Variants in PCLO observed in about 807,000 individuals in gnomAD.
PCLO encodes the protein protein piccolo.
In PCLO, 82 loss-of-function variants were observed where a neutral mutation model predicts 427.5. That is an observed-to-expected ratio of 0.19 (90% CI 0.16 to 0.23). The LOEUF is 0.23. Ranked by LOEUF, PCLO falls within the 10% of genes least tolerant of loss-of-function variation. The pLI, the probability that PCLO is intolerant of heterozygous loss-of-function variation, is 1.00. For missense variants in PCLO, 6,239 were observed against 6,115.9 expected (o/e 1.02, Z -0.67); for synonymous variants, 2,357 against 2,155.4 (o/e 1.09, Z -2.59).
At position 83,021,717 on chromosome 7, in the gene PCLO, G is replaced by T. The variant is rs866731610; in HGVS notation, c.3301-55230C>A. 3.9e-5 allele frequency among the ~76,000 whole-genome samples: 6 copies of T among 152,142 alleles called. No individual in the cohort carries two copies. In the South Asian group the frequency reaches 1.2e-3, roughly 31 times the overall value. On this transcript the variant is annotated intron_variant, in intron 3 of 24. Transcript: ENST00000333891. ...CAAGGTAAAACAATATTGTGATTAA[G>T]AGTAAAGCGTCTAATTCTGGGGAAG...
intron 6 of PCLO, among the ~76,000 whole-genome samples, chr7:82,930,640 T>C (rs1794819384): frequency 6.6e-6 from 1 of 152,192 alleles, no homozygotes; most frequent in Admixed American, 6.6e-5. Context: ...CTTTGGTAGA[T>C]AATTTCTTAC....
Position 83,162,829 on chromosome 7 carries a change from C to A in PCLO, c.-237G>T, listed in dbSNP as rs947105253. The stretch of plus-strand genomic sequence containing the variant: ...GTTGGACAGCGCCAGGCAACCTTTG[C>A]AGAAGACACCTCCCGGACGCCGCCT... On this transcript the variant is annotated 5_prime_UTR_variant, in exon 1 of 25. Coordinates refer to ENST00000333891, the MANE Select transcript of PCLO (RefSeq NM_033026.6). 8 of 555,610 alleles carry A rather than the reference C, an allele frequency of 1.4e-5. No homozygotes were observed. Among genetic ancestry groups the A allele is most frequent in the Non-Finnish European group, 1.9e-5 (6 of 322,632 alleles). 34.4% of individuals were successfully genotyped at this position (555,610 alleles called of 1,614,324 possible).
chr7:82,771,627 C>T (rs1263510522), intron 22 of PCLO, among the ~76,000 whole-genome samples: 1 of 151,998 alleles, frequency 6.6e-6, no homozygotes, highest in African/African-American at 2.4e-5. Context: ...AAAAAGGAGA[C>T]TAACTAATTG....
At chr7:82,978,857 A>AAACACACAC (rs1562896084) in intron 3 of PCLO, among the ~76,000 whole-genome samples, 3 of 138,684 alleles carry the variant, frequency 2.2e-5, no homozygotes, top group Admixed American at 7.2e-5. Context: ...CACACACACA[A>AAACACACAC]ACACACACAC....
chr7:83,098,887 T>C (rs1790662396), intron 3 of PCLO, among the ~76,000 whole-genome samples: 1 of 151,980 alleles, frequency 6.6e-6, no homozygotes, highest in South Asian at 2.1e-4. Flanking sequence ...TTGGCAACTA[T>C]TTCACACAAG....
chr7:82,885,304 A>G (rs1793602661), intron 9 of PCLO, among the ~76,000 whole-genome samples: 1 of 152,140 alleles, frequency 6.6e-6, no homozygotes, highest in South Asian at 2.1e-4. Context: ...TAGCAAGAGT[A>G]TGGGGAATTC....
In PCLO at chr7:83,155,140, A is replaced by G. The variant is rs6972461; in HGVS notation, c.1501T>C (p.Ser501Pro). ...PQQPGSAKPP[S>P]QQPGSTKPPP... ...GGTTTTGTTGAGCCAGGCTGTTGAG[A>G]TGGGGGCTTTGCTGAGCCAGGCTGT... The change falls in exon 2 of 25, where the codon TCT becomes CCT. Residue 501 changes from serine (S) to proline (P), a missense_variant. Around this residue, in one of 5 missense-constraint regions of PCLO, gnomAD observed 4,677 missense variants for 4,468.4 expected, o/e 1.05. Coordinates refer to ENST00000333891, the MANE Select transcript of PCLO (RefSeq NM_033026.6). 0.28 allele frequency: 386,876 copies of G among 1,365,616 alleles called. 50,981 individuals are homozygous for G. The highest frequency in any genetic ancestry group is 0.34 in the Middle Eastern group (1,512 of 4,408). 84.6% of individuals were successfully genotyped at this position (1,365,616 alleles called of 1,614,324 possible). A position where few individuals can be genotyped will look rare whatever the true frequency, so the allele number is the denominator to read the frequency against.
chr7:82,891,086 G>GA (rs1793753418), intron 9 of PCLO, among the ~76,000 whole-genome samples: 1 of 151,906 alleles, frequency 6.6e-6, no homozygotes, highest in Non-Finnish European at 1.5e-5. Context: ...ATTTGACAGA[G>GA]GGCTTATTGC....
At chr7:82,797,010 A>T (rs73167394) in intron 22 of PCLO, among the ~76,000 whole-genome samples, 83 of 151,786 alleles carry the variant, frequency 5.5e-4, no homozygotes, top group African/African-American at 2.0e-3. Flanking sequence ...GGAGTGAATT[A>T]TTGGATGCTA....
chr7:82,793,053 C>A (rs1791139753), intron 22 of PCLO, among the ~76,000 whole-genome samples: 1 of 151,494 alleles, frequency 6.6e-6, no homozygotes, highest in African/African-American at 2.4e-5. Flanking sequence ...CTATCTCTAA[C>A]TGTTCTCAAC....
At chr7:83,000,780 G>C (rs995730540) in intron 3 of PCLO, among the ~76,000 whole-genome samples, 5 of 151,872 alleles carry the variant, frequency 3.3e-5, no homozygotes, top group Non-Finnish European at 5.9e-5. Context: ...GTATTAACTT[G>C]GATCTACATA....
chr7:82,820,124 C>T (rs1791758810), intron 20 of PCLO, among the ~76,000 whole-genome samples: 1 of 152,072 alleles, frequency 6.6e-6, no homozygotes, highest in African/African-American at 2.4e-5. Flanking sequence ...GCCACTTCTG[C>T]AAAGCAAGAG....
chr7:83,038,025 A>ATATATATATATATATATTTATATT lies in PCLO; in HGVS notation c.3301-71539_3301-71538insAATATAAATATATATATATATATA, dbSNP rs1562932933. Among the ~76,000 whole-genome samples, 7 of 49,098 alleles carry ATATATATATATATATATTTATATT rather than the reference A, an allele frequency of 1.4e-4. 1 individual carries two copies. The highest frequency in any genetic ancestry group is 2.2e-4 in the Non-Finnish European group (7 of 31,442). The allele number at this position is 49,098 out of a possible 152,430, so 32.2% of individuals were successfully genotyped here. A position where few individuals can be genotyped will look rare whatever the true frequency, so the allele number is the denominator to read the frequency against. On this transcript the variant is annotated intron_variant, in intron 3 of 24. Transcript: ENST00000333891. ...TATATATATATATATATATATATAT[A>ATATATATATATATATATTTATATT]TATATTTATATATTTATATATATAT... is the stretch of plus-strand genomic sequence containing the variant.
At chr7:82,833,456 T>C (rs1792147439) in intron 16 of PCLO, among the ~76,000 whole-genome samples, 1 of 152,138 alleles carries the variant, frequency 6.6e-6, no homozygotes, top group South Asian at 2.1e-4. Context: ...TCTCACCTTA[T>C]CTTGCCTGAC....
chr7:82,768,991 G>T (rs543545223), intron 22 of PCLO, among the ~76,000 whole-genome samples: 1 of 152,180 alleles, frequency 6.6e-6, no homozygotes, highest in South Asian at 2.1e-4. Flanking sequence ...AGTGGTTTGG[G>T]TATTTCAAGT....
rs1298797089 is a variant in PCLO, at chr7:82,915,899, T to C, written c.12087A>G (p.Ile4029Met). The C allele has an allele frequency of 6.2e-7, 1 of 1,613,496 alleles. No homozygotes were observed. The highest frequency in any genetic ancestry group is 2.2e-5 in the East Asian group (1 of 44,844). ...TATCTGCATAGAAAGAATCTGCAGA[T>C]ATGCTTGATATTGGACTGCTTGCCA... is the stretch of plus-strand genomic sequence containing the variant. ...SSMASSPISS[I>M]SADSFYADID... Residue 4029 changes from isoleucine to methionine, a missense_variant, in exon 7 of 25, where the codon ATA becomes ATG. By Grantham distance (10) the Ile-to-Met change is conservative (BLOSUM62 1). Transcript: ENST00000333891.
At chr7:82,906,380 T>A (rs1379869005) in intron 8 of PCLO, among the ~76,000 whole-genome samples, 1 of 152,028 alleles carries the variant, frequency 6.6e-6, no homozygotes, top group Non-Finnish European at 1.5e-5. Flanking sequence ...TAGCTTTTTA[T>A]GATTAGAGAT....
intron 13 of PCLO, among the ~76,000 whole-genome samples, chr7:82,842,068 G>A (rs369545620): frequency 1.3e-3 from 194 of 152,014 alleles, no homozygotes; most frequent in African/African-American, 4.4e-3. Flanking sequence ...AGCCACAAAA[G>A]ACCCTAATAG....
At chr7:83,113,497 G>C (rs1791057052) in intron 3 of PCLO, among the ~76,000 whole-genome samples, 1 of 152,024 alleles carries the variant, frequency 6.6e-6, no homozygotes, top group Admixed American at 6.6e-5. Context: ...ATTTGAAATG[G>C]GCATAACAGG....
Sources: gnomAD v4.1 joint callset for allele counts (sites outside exome capture counted in the v4.1 genomes callset) on GRCh38, gnomAD v4.1.1 for gene constraint, gnomAD v4.1.1 regional missense constraint, MANE v1.5 for transcripts, NCBI Gene and HGNC (gene_info 2026-07-23, HGNC 2026-07-21) for gene names.